NT5DC3: variants seen among roughly 807,000 people sequenced by gnomAD.
NT5DC3 encodes 5'-nucleotidase domain-containing protein 3.
Under a neutral mutation model 67.8 loss-of-function variants are expected in NT5DC3, and 42 were observed. That is an observed-to-expected ratio of 0.62 (90% CI 0.48 to 0.80). NT5DC3 has a LOEUF of 0.80. NT5DC3 is among the 30% of genes least tolerant of loss of function. NT5DC3 has a pLI of 0.00. For synonymous variants in NT5DC3, 237 were observed against 255.6 expected (o/e 0.93, Z 0.69); for missense variants, 570 against 696.4 (o/e 0.82, Z 2.04).
downstream of NT5DC3, among the ~76,000 whole-genome samples, chr12:103,768,553 G>GGAC (rs1885093036): frequency 8.1e-5 from 1 of 12,302 alleles, no homozygotes; most frequent in African/African-American, 4.2e-4. Flanking sequence ...GAGAGGGAGG[G>GGAC]AGGCGGAGGG....
chr12:103,759,627 G>A, the NT5DC3 span, among the ~76,000 whole-genome samples: 1 of 152,208 alleles, frequency 6.6e-6, no homozygotes, highest in Non-Finnish European at 1.5e-5. Flanking sequence ...CTTGCTAACT[G>A]TAAGGACTTA....
At chr12:103,757,030 TA>T in the NT5DC3 span, among the ~76,000 whole-genome samples, 1 of 143,060 alleles carries the variant, frequency 7.0e-6, no homozygotes. Context: ...TATATATATA[TA>T]AAATATATAT....
At chr12:103,840,428 CCCATT>C (rs765691309) in intron 1 of NT5DC3, among the ~76,000 whole-genome samples, 77 of 149,346 alleles carry the variant, frequency 5.2e-4, no homozygotes, top group African/African-American at 1.9e-3. Flanking sequence ...CTCATTCCAT[CCCATT>C]CCATCCCATC....
intron 1 of NT5DC3, among the ~76,000 whole-genome samples, chr12:103,835,477 G>A (rs10861118): frequency 0.14 from 20,770 of 152,088 alleles, 1,568 homozygotes; most frequent in Middle Eastern, 0.28. Flanking sequence ...ATTTTACAGA[G>A]ACAGAAACCA....
intron 9 of NT5DC3, 41 bp downstream of exon 9, chr12:103,793,123 A>T (rs1886140112): frequency 7.5e-7 from 1 of 1,336,010 alleles, no homozygotes; most frequent in South Asian, 1.3e-5. Context: ...TCACAGCAGC[A>T]AAGGAATAAA....
the NT5DC3 span, among the ~76,000 whole-genome samples, chr12:103,762,665 G>A: frequency 6.6e-6 from 1 of 152,320 alleles, no homozygotes; most frequent in African/African-American, 2.4e-5. Flanking sequence ...CTGAGCCTCT[G>A]TGCCAGGGGT....
chr12:103,795,676 TAAAC>T (rs1279323037), intron 6 of NT5DC3, among the ~76,000 whole-genome samples: 3 of 151,858 alleles, frequency 2.0e-5, no homozygotes, highest in Non-Finnish European at 4.4e-5. Flanking sequence ...TATATTTAAA[TAAAC>T]ACATATTTTT....
At chr12:103,759,466 G>C in the NT5DC3 span, among the ~76,000 whole-genome samples, 626 of 152,324 alleles carry the variant, frequency 4.1e-3, 2 homozygotes, top group African/African-American at 0.014. Context: ...TTGGGAAATA[G>C]GGCAGCCTCA....
chr12:103,783,934 A>G (rs1885661758), intron 12 of NT5DC3, among the ~76,000 whole-genome samples: 2 of 152,210 alleles, frequency 1.3e-5, no homozygotes, highest in Admixed American at 6.5e-5. Flanking sequence ...CGAATCCTCT[A>G]AACAGGAAGG....
At chr12:103,755,317 T>C in the NT5DC3 span, 1 of 1,614,044 alleles carries the variant, frequency 6.2e-7, no homozygotes, top group Non-Finnish European at 8.5e-7. Flanking sequence ...GTACCACCTG[T>C]GCTCAGCAGG....
rs187613581 is a variant in NT5DC3 at position 103,819,746 on chromosome 12, G to A, written c.209-4625C>T. The stretch of plus-strand genomic sequence containing the variant: ...AAAAACTGGTAAGCTTTCTGTTTTG[G>A]TTCTGGTTTTTTGTGTTTTTTATTG... On this transcript the variant is annotated intron_variant, in intron 1 of 13. Transcript: ENST00000392876. 3 of 152,350 alleles carry A rather than the reference G, an allele frequency of 2.0e-5. No homozygotes were observed. In the East Asian group the frequency reaches 5.8e-4, roughly 29 times the overall value. 9.4% of individuals were successfully genotyped at this position (152,350 alleles called of 1,614,324 possible). A position where few individuals can be genotyped will look rare whatever the true frequency, so the allele number is the denominator to read the frequency against.
chr12:103,831,567 A>G, intron 1 of NT5DC3, among the ~76,000 whole-genome samples: 1 of 152,116 alleles, frequency 6.6e-6, no homozygotes, highest in South Asian at 2.1e-4. Context: ...AAAGACCAAA[A>G]GAGAGAAGTT....
the NT5DC3 span, chr12:103,758,326 C>T: frequency 6.2e-7 from 1 of 1,608,194 alleles, no homozygotes; most frequent in African/African-American, 1.3e-5. Context: ...TTTAGACTAG[C>T]ATGTTATCTA....
chr12:103,839,023 C>T (rs1888268291), intron 1 of NT5DC3, among the ~76,000 whole-genome samples: 1 of 152,162 alleles, frequency 6.6e-6, no homozygotes, highest in Admixed American at 6.5e-5. Flanking sequence ...AGGAACTGTT[C>T]AGTCCCTTGA....
At chr12:103,746,377 A>G in the NT5DC3 span, 6 of 435,906 alleles carry the variant, frequency 1.4e-5, no homozygotes, top group Middle Eastern at 5.9e-4. Flanking sequence ...ATAAATCTCA[A>G]TGACATTGCA....
intron 1 of NT5DC3, among the ~76,000 whole-genome samples, chr12:103,817,042 A>G (rs1887291415): frequency 1.4e-5 from 2 of 141,606 alleles, no homozygotes; most frequent in Middle Eastern, 3.3e-3. Context: ...CAGCAAAAAG[A>G]AAAAAAAAAG....
At chr12:103,769,443 GA>G (rs1885133687), downstream of NT5DC3, among the ~76,000 whole-genome samples, 2 of 152,322 alleles carry the variant, frequency 1.3e-5, no homozygotes, top group South Asian at 4.1e-4. Context: ...AACACCAGCG[GA>G]AAACTCCGTC....
At chr12:103,804,817 T>A (rs1886727585) in intron 4 of NT5DC3, among the ~76,000 whole-genome samples, 1 of 152,216 alleles carries the variant, frequency 6.6e-6, no homozygotes, top group Non-Finnish European at 1.5e-5. Context: ...TTTGGGAGAC[T>A]GAGGCGGGCA....
intron 11 of NT5DC3, among the ~76,000 whole-genome samples, chr12:103,785,910 A>C (rs1885752250): frequency 1.3e-5 from 2 of 152,086 alleles, no homozygotes; most frequent in Admixed American, 6.6e-5. Context: ...TGGAATGATC[A>C]CATACAACAT....
Sources: allele counts gnomAD v4.1 joint callset (sites outside exome capture counted in the v4.1 genomes callset), GRCh38; gene constraint gnomAD v4.1.1; transcripts MANE v1.5; gene names NCBI Gene and HGNC (gene_info 2026-07-23, HGNC 2026-07-21).